VARS1: variants seen among roughly 807,000 people sequenced by gnomAD.
VARS1 encodes valine--tRNA ligase.
Under a neutral mutation model 161.0 loss-of-function variants are expected in VARS1, and 92 were observed. That is an observed-to-expected ratio of 0.57 (90% CI 0.48 to 0.68). VARS1 has a LOEUF of 0.68. Ranked by LOEUF, VARS1 falls within the 30% of genes least tolerant of loss-of-function variation. The pLI is 0.00. For synonymous variants in VARS1, 595 were observed against 682.5 expected (o/e 0.87, Z 2.00); for missense variants, 1,338 against 1,695.9 (o/e 0.79, Z 3.71).
intron 8 of VARS1, among the ~76,000 whole-genome samples, chr6:31,790,130 C>T (rs895430704): frequency 7.9e-5 from 12 of 151,612 alleles, no homozygotes; most frequent in Admixed American, 2.6e-4. Context: ...CAAAAAAATT[C>T]TTAAATGTTT....
Position 31,779,022 on chromosome 6 carries a change from G to A in VARS1, c.3671C>T (p.Ala1224Val), listed in dbSNP as rs1812928582. ...CGGCACCTTGACAGGATAGCCCGAGGCAGCACGGCGTTCCCGCAGACGCTG... is the reference window on the plus strand; with the variant it reads ...CGGCACCTTGACAGGATAGCCCGAGACAGCACGGCGTTCCCGCAGACGCTG... ...QAQRLRERRAASGYPVKVPLE... is the reference protein window; with the variant it reads ...QAQRLRERRAVSGYPVKVPLE... The change falls in exon 29 of 30, where the codon GCC becomes GTC. Residue 1224 changes from alanine to valine, a missense_variant. Transcript: ENST00000375663. The surrounding 1 kb of genome is among the most constrained non-coding windows in gnomAD (Gnocchi z 9.1). 6.2e-7 allele frequency: 1 copy of A among 1,613,016 alleles called. No homozygotes were observed. The highest frequency in any genetic ancestry group is 1.1e-5 in the South Asian group (1 of 91,088).
rs574413298 is a variant in VARS1, at chr6:31,780,346, G to A, written c.2925+95C>T. The A allele has an allele frequency of 9.7e-6, 15 of 1,552,956 alleles. No homozygotes were observed. The highest frequency in any genetic ancestry group is 1.1e-5 in the Non-Finnish European group (13 of 1,149,428). ...GCTTTCCCTTTAACTGTCTGTCTCTGTGTCTATCTGTCCCCCCAGCTACAT... is the reference window on the plus strand; with the variant it reads ...GCTTTCCCTTTAACTGTCTGTCTCTATGTCTATCTGTCCCCCCAGCTACAT... On this transcript the variant is annotated intron_variant, in intron 25 of 29. Transcript: ENST00000375663. The surrounding 1 kb of genome is among the most constrained non-coding windows in gnomAD (Gnocchi z 5.1).
chr6:31,780,816 C>T lies in VARS1; in HGVS notation c.2719-33G>A. Reference sequence around the variant, plus strand: ...GAAGAGGCAGGGGGAGGAGCGTCCTCAGCCAGCCCCATCCACGCTGTGCTC... The same window carrying T: ...GAAGAGGCAGGGGGAGGAGCGTCCTTAGCCAGCCCCATCCACGCTGTGCTC... On this transcript the variant is annotated intron_variant, in intron 23 of 29. Transcript: ENST00000375663. The surrounding 1 kb of genome is among the most constrained non-coding windows in gnomAD (Gnocchi z 5.1). 6.2e-7 allele frequency: 1 copy of T among 1,614,188 alleles called. No individual in the cohort carries two copies. The highest frequency in any genetic ancestry group is 8.5e-7 in the Non-Finnish European group (1 of 1,180,018).
At chr6:31,783,395 A>G (rs1813290672) in intron 13 of VARS1, among the ~76,000 whole-genome samples, 1 of 152,082 alleles carries the variant, frequency 6.6e-6, no homozygotes, top group Non-Finnish European at 1.5e-5. Flanking sequence ...CTGTAATCTC[A>G]GCTACTCAAG....
chr6:31,781,514 G>A lies in VARS1; in HGVS notation c.2511C>T (p.Gly837=), dbSNP rs2151420373. The A allele has an allele frequency of 6.2e-7, 1 of 1,612,934 alleles. No individual in the cohort carries two copies. Among genetic ancestry groups the A allele is most frequent in the East Asian group, 2.2e-5 (1 of 44,888 alleles). ...AGGGCAGCCTGCCCGTGAGCTTCAG[G>A]CCCAGCATGACCATCCGGGCCACCC... ...FFWVARMVML[G]LKLTGRLPFR... Residue 837 remains glycine (G), a synonymous_variant, in exon 21 of 30, where the codon GGC becomes GGT. Transcript: ENST00000375663. The surrounding 1 kb of genome is among the most constrained non-coding windows in gnomAD (Gnocchi z 6.8).
chr6:31,792,208 T>G lies in VARS1; in HGVS notation c.871+9A>C, dbSNP rs770568375. The stretch of plus-strand genomic sequence containing the variant: ...TGCTGAGGGGTGAGCCCCTTCCCAC[T>G]CCTAGTACCTTTCTTTTCCCCGGGT... On this transcript the variant is annotated intron_variant, in intron 6 of 29. Transcript: ENST00000375663. 6.2e-7 allele frequency: 1 copy of G among 1,613,250 alleles called. No homozygotes were observed. The highest frequency in any genetic ancestry group is 8.5e-7 in the Non-Finnish European group (1 of 1,179,886).
intron 8 of VARS1, among the ~76,000 whole-genome samples, chr6:31,788,096 G>A (rs1813620963): frequency 6.6e-6 from 1 of 151,790 alleles, no homozygotes; most frequent in African/African-American, 2.4e-5. Flanking sequence ...CTCCAGCCTG[G>A]GTGACAGAGC....
Position 31,779,547 on chromosome 6 carries a change from G to A in VARS1, c.3289-11C>T, listed in dbSNP as rs764224585. ...GTCCTTCCAGGAGCACTGTGGGGTG[G>A]AGGAGGGGGTGAGGGGGCCTGGAGG... On this transcript the variant is annotated splice_polypyrimidine_tract_variant and intron_variant, in intron 27 of 29. Transcript: ENST00000375663. The surrounding 1 kb of genome is among the most constrained non-coding windows in gnomAD (Gnocchi z 9.1). The A allele has an allele frequency of 6.2e-7, 1 of 1,612,362 alleles. No individual in the cohort carries two copies. The highest frequency in any genetic ancestry group is 1.1e-5 in the South Asian group (1 of 91,074).
chr6:31,791,635 C>A lies in VARS1; in HGVS notation c.1075G>T (p.Ala359Ser). 6.2e-7 allele frequency: 1 copy of A among 1,612,290 alleles called. No individual in the cohort carries two copies. ...CATCGAGTCAGGGAGTCCTGGATGG[C>A]GTTGGTGAGTGCATGGCCCAGGTGC... is the stretch of plus-strand genomic sequence containing the variant. Reference protein sequence around the residue: ...SLHLGHALTNAIQDSLTRWHR... With the variant: ...SLHLGHALTNSIQDSLTRWHR... The change falls in exon 8 of 30, where the codon GCC becomes TCC. Residue 359 changes from alanine to serine, a missense_variant. By Grantham distance (99) the Ala-to-Ser change is moderately conservative (BLOSUM62 1). Around this residue, in one of 3 missense-constraint regions of VARS1, gnomAD observed 902 missense variants for 1,090.3 expected, o/e 0.83. Transcript: ENST00000375663. The surrounding 1 kb of genome is among the most constrained non-coding windows in gnomAD (Gnocchi z 5.0).
rs1417151735 is a variant in VARS1 at position 31,781,800 on chromosome 6, G to A, written c.2348-39C>T. The A allele has an allele frequency of 3.1e-6, 5 of 1,612,902 alleles. No individual in the cohort carries two copies. The African/African-American group carries it at 5.3e-5, about 17-fold the overall frequency. On this transcript the variant is annotated intron_variant, in intron 19 of 29. Coordinates refer to ENST00000375663, the MANE Select transcript of VARS1 (RefSeq NM_006295.3). The surrounding 1 kb of genome is among the most constrained non-coding windows in gnomAD (Gnocchi z 6.8). ...AAGGTCAGAGGTCAGAGGGAGTGGA[G>A]CTCTGCCCCCCACAACTCCCTCCAG... is the stretch of plus-strand genomic sequence containing the variant.
At chr6:31,792,031 T>C in intron 6 of VARS1, 60 bp from the exon 7 acceptor site, 1 of 1,499,994 alleles carries the variant, frequency 6.7e-7, no homozygotes, top group Non-Finnish European at 9.0e-7. Flanking sequence ...GAAGGAGACG[T>C]GCTGGCAGAG....
In VARS1 at chr6:31,785,858, G is replaced by T; in HGVS notation, c.1101-125C>A. 1 of 1,242,328 alleles carries T rather than the reference G, an allele frequency of 8.0e-7. No individual in the cohort carries two copies. The highest frequency in any genetic ancestry group is 1.1e-6 in the Non-Finnish European group (1 of 918,936). The allele number at this position is 1,242,328 out of a possible 1,614,324, so 77.0% of individuals were successfully genotyped here. On this transcript the variant is annotated intron_variant, in intron 8 of 29. Coordinates refer to ENST00000375663, the MANE Select transcript of VARS1 (RefSeq NM_006295.3). This position sits in a 1 kb window ranked among gnomAD's most constrained non-coding sequence, Gnocchi z 6.1. ...AGAAGCAGGGAGGCCGGACGCGGTG[G>T]CTCACGCCTGTAATCCCAGAACTTT...
chr6:31,779,607 C>T lies in VARS1; in HGVS notation c.3288+1G>A. ...ACTCCCCTCTCCAGGCCATGCCATA[C>T]CTCTGAGGGCTCCGGGTAGGGGGTA... On this transcript the variant is annotated splice_donor_variant, in intron 27 of 29. Coordinates refer to ENST00000375663, the MANE Select transcript of VARS1 (RefSeq NM_006295.3). LOFTEE classifies it high-confidence loss of function. This position sits in a 1 kb window ranked among gnomAD's most constrained non-coding sequence, Gnocchi z 9.1. The T allele has an allele frequency of 6.2e-7, 1 of 1,612,434 alleles. No individual in the cohort carries two copies.
At position 31,784,149 on chromosome 6, in the gene VARS1, C is replaced by A; in HGVS notation, c.1671+65G>T. 8 of 1,585,624 alleles carry A rather than the reference C, an allele frequency of 5.0e-6. No individual in the cohort carries two copies. The highest frequency in any genetic ancestry group is 6.9e-6 in the Non-Finnish European group (8 of 1,157,188). ...GCCAGGGGCCTAAGTCCAACCCCTC[C>A]ACCCCATAAGGATGGGAGCCCTTTT... On this transcript the variant is annotated intron_variant, in intron 13 of 29. Transcript: ENST00000375663. This position sits in a 1 kb window ranked among gnomAD's most constrained non-coding sequence, Gnocchi z 6.1.
At chr6:31,787,902 A>G (rs912534421) in intron 8 of VARS1, among the ~76,000 whole-genome samples, 4 of 152,052 alleles carry the variant, frequency 2.6e-5, no homozygotes, top group Non-Finnish European at 4.4e-5. Flanking sequence ...GCGAATCACG[A>G]GGTCAGGAGA....
Position 31,778,643 on chromosome 6 carries a change from G to A in VARS1, c.3726+324C>T, listed in dbSNP as rs1392314169. On this transcript the variant is annotated intron_variant, in intron 29 of 29. Coordinates refer to ENST00000375663, the MANE Select transcript of VARS1 (RefSeq NM_006295.3). The surrounding 1 kb of genome is among the most constrained non-coding windows in gnomAD (Gnocchi z 5.1). ...GCCCACCTCAGCCCCCCGAGTAGCT[G>A]GGACCCCAAGTGTGTGCCACTATGG... 6.6e-6 allele frequency among the ~76,000 whole-genome samples: 1 copy of A among 152,014 alleles called. No homozygotes were observed. Among genetic ancestry groups the A allele is most frequent in the Non-Finnish European group, 1.5e-5 (1 of 67,990 alleles).
Position 31,791,771 on chromosome 6 carries a change from C to T in VARS1, c.973-34G>A. ...GGAGAAGGATGGCACATGTTTAAGG[C>T]CTCAGGTCACCTCTCCCAGCCCCTC... On this transcript the variant is annotated intron_variant, in intron 7 of 29. Transcript: ENST00000375663. The surrounding 1 kb of genome is among the most constrained non-coding windows in gnomAD (Gnocchi z 5.0). 1 of 1,613,000 alleles carries T rather than the reference C, an allele frequency of 6.2e-7. No individual in the cohort carries two copies. The highest frequency in any genetic ancestry group is 8.5e-7 in the Non-Finnish European group (1 of 1,180,018).
intron 8 of VARS1, among the ~76,000 whole-genome samples, chr6:31,788,510 AC>A (rs1813658375): frequency 7.1e-6 from 1 of 140,380 alleles, no homozygotes; most frequent in Non-Finnish European, 1.6e-5. Flanking sequence ...AACAAAAAAA[AC>A]AAAAAAAAAA....
Position 31,784,761 on chromosome 6 carries a change from A to C in VARS1, c.1348-47T>G. ...TCAGAGAGATGGGCCTTGTGCCTGGAGGCCCAGGCAGACACCCAGGGCTCC... is the reference window on the plus strand; with the variant it reads ...TCAGAGAGATGGGCCTTGTGCCTGGCGGCCCAGGCAGACACCCAGGGCTCC... On this transcript the variant is annotated intron_variant, in intron 10 of 29. Coordinates refer to ENST00000375663, the MANE Select transcript of VARS1 (RefSeq NM_006295.3). This position sits in a 1 kb window ranked among gnomAD's most constrained non-coding sequence, Gnocchi z 6.1. 1 of 1,610,490 alleles carries C rather than the reference A, an allele frequency of 6.2e-7. No individual in the cohort carries two copies. Among genetic ancestry groups the C allele is most frequent in the Non-Finnish European group, 8.5e-7 (1 of 1,178,794 alleles).
Sources: gnomAD v4.1 joint callset for allele counts (sites outside exome capture counted in the v4.1 genomes callset) on GRCh38, gnomAD v4.1.1 for gene constraint, gnomAD v4.1.1 regional missense constraint, Gnocchi (gnomAD v3.1) non-coding constraint, MANE v1.5 for transcripts, NCBI Gene and HGNC (gene_info 2026-07-23, HGNC 2026-07-21) for gene names.